Variants in CABIN1 observed in about 807,000 individuals in gnomAD.
CABIN1 encodes the protein calcineurin binding protein 1, also known as calcineurin-binding protein cabin-1.
CABIN1 carries 133 observed loss-of-function variants against 227.7 expected under a neutral mutation model. The ratio of observed to expected loss-of-function variants is 0.58; its 90% confidence interval spans 0.51 to 0.67. CABIN1 has a LOEUF of 0.67. Among genes scored for constraint, CABIN1 ranks in the 30% least tolerant of loss-of-function variants. CABIN1 has a pLI of 0.00. For missense variants in CABIN1, 2,408 were observed against 2,852.5 expected, an observed-to-expected ratio of 0.84 and a Z score of 3.55; for synonymous variants, 1,086 against 1,155.1, an observed-to-expected ratio of 0.94 and a Z score of 1.21.
chr22:24,137,160 C>T (rs2044473581), intron 29 of CABIN1, among the ~76,000 whole-genome samples: 1 of 152,174 alleles, frequency 6.6e-6, no homozygotes, highest in Non-Finnish European at 1.5e-5. Context: ...CCCTCTCTTC[C>T]TCTCTCCTTT....
At chr22:24,075,801 A>G (rs959021383) in intron 18 of CABIN1, among the ~76,000 whole-genome samples, 1 of 151,924 alleles carries the variant, frequency 6.6e-6, no homozygotes, top group African/African-American at 2.4e-5. Flanking sequence ...TATGGGTTCC[A>G]TTGTAACAAA....
chr22:24,089,480 G>A (rs2041395103), intron 23 of CABIN1, among the ~76,000 whole-genome samples: 1 of 152,192 alleles, frequency 6.6e-6, no homozygotes, highest in Admixed American at 6.5e-5. Context: ...GGTGGCAGGA[G>A]AGAGATGGAA....
intron 27 of CABIN1, among the ~76,000 whole-genome samples, chr22:24,116,217 G>A (rs1049291783): frequency 6.6e-6 from 1 of 152,176 alleles, no homozygotes; most frequent in African/African-American, 2.4e-5. Flanking sequence ...TATGAAGGTC[G>A]CAAGAGTAGA....
At chr22:24,073,960 A>G (rs1026909254) in intron 18 of CABIN1, among the ~76,000 whole-genome samples, 2 of 152,044 alleles carry the variant, frequency 1.3e-5, no homozygotes, top group Non-Finnish European at 2.9e-5. Context: ...GCACTATTTC[A>G]TTCTTACGGG....
chr22:24,161,947 G>A (rs1234695655), intron 29 of CABIN1: 1 of 152,292 alleles, frequency 6.6e-6, no homozygotes, highest in Non-Finnish European at 1.5e-5. Flanking sequence ...CGGTGTTAGA[G>A]GGACAGTGGA....
chr22:24,051,047 G>T, intron 8 of CABIN1, 73 bp downstream of exon 8: 1 of 1,591,778 alleles, frequency 6.3e-7, no homozygotes, highest in Non-Finnish European at 8.6e-7. Flanking sequence ...CCCTGCACAG[G>T]AGGGAGAGAC....
At chr22:24,161,668 C>G (rs900251288) in intron 29 of CABIN1, among the ~76,000 whole-genome samples, 12 of 152,228 alleles carry the variant, frequency 7.9e-5, no homozygotes, top group Non-Finnish European at 1.5e-5. Context: ...GCTGCCTATG[C>G]CCTTCTTTTC....
intron 29 of CABIN1, among the ~76,000 whole-genome samples, chr22:24,161,597 T>G (rs1025783477): frequency 1.3e-5 from 2 of 152,100 alleles, no homozygotes. Flanking sequence ...TCAGATGCCG[T>G]GGGGGTGTTG....
At chr22:24,116,001 C>G (rs138526179) in intron 27 of CABIN1, among the ~76,000 whole-genome samples, 231 of 152,284 alleles carry the variant, frequency 1.5e-3, no homozygotes, top group African/African-American at 5.3e-3. Context: ...GCATGAGATG[C>G]GCTCCCTCCC....
At chr22:24,158,740 C>T (rs532733419) in intron 29 of CABIN1, among the ~76,000 whole-genome samples, 1 of 152,302 alleles carries the variant, frequency 6.6e-6, no homozygotes, top group Admixed American at 6.5e-5. Context: ...TAGCCCATTA[C>T]TTCTTGTTCC....
Position 24,041,123 on chromosome 22 carries a change from T to G in CABIN1, c.211-16T>G, listed in dbSNP as rs1413790543. The G allele has an allele frequency of 6.2e-7, 1 of 1,614,058 alleles. No homozygotes were observed. Among genetic ancestry groups the G allele is most frequent in the African/African-American group, 1.3e-5 (1 of 74,936 alleles). On this transcript the variant is annotated splice_polypyrimidine_tract_variant and intron_variant, in intron 4 of 36. Transcript: ENST00000263119. Reference sequence around the variant, plus strand: ...TTCAAGGTCTAGTTGTCACTTCTGTTCTGTTTTGTTCACAGGCAGTTTCAT... The same window carrying G: ...TTCAAGGTCTAGTTGTCACTTCTGTGCTGTTTTGTTCACAGGCAGTTTCAT...
chr22:24,089,215 T>A (rs1236580088), intron 23 of CABIN1, among the ~76,000 whole-genome samples: 1 of 152,240 alleles, frequency 6.6e-6, no homozygotes, highest in Non-Finnish European at 1.5e-5. Context: ...AAGTCAGAGT[T>A]CCCTTTCTGC....
Position 24,036,166 on chromosome 22 carries a change from G to A in CABIN1, c.81G>A (p.Gln27=). The A allele has an allele frequency of 6.2e-7, 1 of 1,612,430 alleles. No homozygotes were observed. The highest frequency in any genetic ancestry group is 8.5e-7 in the Non-Finnish European group (1 of 1,178,708). ...HEGSFKSHKT[Q]TKEAQEAEAF... ...GAAGCTTTAAAAGTCACAAAACCCA[G>A]ACAAAGGAGGCTCAGGTACGTAATG... The change falls in exon 3 of 37, where the codon CAG becomes CAA. Residue 27 remains glutamine (Q), a synonymous_variant. Transcript: ENST00000263119.
At chr22:24,141,113 A>G (rs1342704309) in intron 29 of CABIN1, among the ~76,000 whole-genome samples, 1 of 152,240 alleles carries the variant, frequency 6.6e-6, no homozygotes, top group Admixed American at 6.5e-5. Flanking sequence ...TGGATCCTAG[A>G]GGCCAGTGCT....
At chr22:24,065,680 C>T (rs1289402854) in intron 15 of CABIN1, among the ~76,000 whole-genome samples, 8 of 152,340 alleles carry the variant, frequency 5.3e-5, no homozygotes, top group Admixed American at 2.0e-4. Context: ...TGTAGCAAGC[C>T]GAGATCACGC....
intron 8 of CABIN1, among the ~76,000 whole-genome samples, chr22:24,053,117 G>A (rs1471075342): frequency 2.2e-5 from 3 of 133,398 alleles, no homozygotes; most frequent in Non-Finnish European, 4.6e-5. Flanking sequence ...TCACTCTGTC[G>A]CCCAGGCTGA....
At chr22:24,049,329 C>G (rs2038143006) in intron 7 of CABIN1, 109 bp downstream of exon 7, 22 of 1,369,884 alleles carry the variant, frequency 1.6e-5, no homozygotes, top group Non-Finnish European at 2.2e-5. Context: ...AGCCCCTGTG[C>G]TCTGGGGCTT....
Position 24,055,100 on chromosome 22 carries a change from T to A in CABIN1, c.1034T>A (p.Val345Glu). The A allele has an allele frequency of 6.2e-7, 1 of 1,614,148 alleles. No homozygotes were observed. Among genetic ancestry groups the A allele is most frequent in the Non-Finnish European group, 8.5e-7 (1 of 1,180,042 alleles). The part of the protein sequence containing the change: ...VAEPVVSYTS[V>E]ATTSFPLHSP... ...GAGCCTGTGGTCTCCTACACCTCTG[T>A]GGCTACAACCAGCTTCCCACTGCAC... is the stretch of plus-strand genomic sequence containing the variant. The change falls in exon 9 of 37, where the codon GTG (valine) becomes GAG (glutamate). Residue 345 changes from valine to glutamate, a missense_variant. By Grantham distance (121) the Val-to-Glu change is moderately radical. This residue lies in a region of CABIN1 where 1,045 missense variants were observed against 1,168.4 expected (regional missense o/e 0.89). Transcript: ENST00000263119.
chr22:24,132,031 C>T (rs921732862), intron 28 of CABIN1, among the ~76,000 whole-genome samples: 2 of 151,126 alleles, frequency 1.3e-5, no homozygotes, highest in Non-Finnish European at 2.9e-5. Context: ...CACTATACTC[C>T]ACCCTGGGTT....
Sources: gnomAD v4.1 joint callset for allele counts (sites outside exome capture counted in the v4.1 genomes callset) on GRCh38, gnomAD v4.1.1 for gene constraint, gnomAD v4.1.1 regional missense constraint, MANE v1.5 for transcripts, NCBI Gene and HGNC (gene_info 2026-07-23, HGNC 2026-07-21) for gene names.